Variants in RNF17 observed in about 807,000 individuals in gnomAD.
The protein encoded by RNF17 is ring finger protein 17, also known as spermatogenesis associated 23.
In RNF17, 31 loss-of-function variants were observed where a neutral mutation model predicts 200.5. The ratio of observed to expected loss-of-function variants is 0.15; its 90% CI spans 0.12 to 0.21. RNF17 has a LOEUF of 0.21. RNF17 is among the 10% of genes least tolerant of loss of function. The probability of loss-of-function intolerance (pLI) is 1.00; values close to 1 mark genes in which losing one functional copy is unlikely to be tolerated. For synonymous variants in RNF17, 606 were observed against 637.8 expected, an observed-to-expected ratio of 0.95 and a Z score of 0.75; for missense variants, 1,628 against 1,905.1, an observed-to-expected ratio of 0.85 and a Z score of 2.71.
At chr13:24,874,381 GTGT>G (rs1229453692) in intron 33 of RNF17, 132 bp downstream of exon 33, 16 of 670,616 alleles carry the variant, frequency 2.4e-5, no homozygotes, top group Non-Finnish European at 3.3e-5. Flanking sequence ...AATTTTTTTC[GTGT>G]TAAAGTATAC....
Position 24,800,576 on chromosome 13 carries a change from C to G in RNF17, c.1758+42C>G, listed in dbSNP as rs762281183. Reference sequence around the variant, plus strand: ...TTATTTTTTCCTTCAGAGGTTATTACAATTTTAGCTATGTATTGCCAGTTA... The same window carrying G: ...TTATTTTTTCCTTCAGAGGTTATTAGAATTTTAGCTATGTATTGCCAGTTA... On this transcript the variant is annotated intron_variant, in intron 13 of 35. Coordinates refer to ENST00000255324, the MANE Select transcript of RNF17 (RefSeq NM_031277.3). The G allele has an allele frequency of 3.2e-6, 5 of 1,562,888 alleles. No homozygotes were observed. The African/African-American group carries it at 6.8e-5, about 21-fold the overall frequency.
chr13:24,872,949 T>C (rs1236968413), intron 32 of RNF17, among the ~76,000 whole-genome samples: 1 of 152,144 alleles, frequency 6.6e-6, no homozygotes. Context: ...TGAGGAAATG[T>C]GGTAGAAGTT....
intron 22 of RNF17, among the ~76,000 whole-genome samples, chr13:24,846,548 A>G (rs1891275115): frequency 1.3e-5 from 2 of 152,320 alleles, no homozygotes; most frequent in Admixed American, 1.3e-4. Context: ...TATTGCTTTG[A>G]TATGCTACCA....
chr13:24,790,313 G>A (rs1428945377), intron 9 of RNF17, among the ~76,000 whole-genome samples: 1 of 152,116 alleles, frequency 6.6e-6, no homozygotes, highest in Non-Finnish European at 1.5e-5. Context: ...AGGGAATGGT[G>A]TATATAATTC....
intron 28 of RNF17, among the ~76,000 whole-genome samples, chr13:24,864,181 C>T (rs987629881): frequency 2.0e-5 from 3 of 152,082 alleles, no homozygotes; most frequent in Non-Finnish European, 1.5e-5. Context: ...ACAGACCACA[C>T]GGGTGCAGGG....
chr13:24,842,006 A>G, intron 18 of RNF17, 35 bp from the exon 19 acceptor site: 8 of 1,574,100 alleles, frequency 5.1e-6, no homozygotes, highest in Non-Finnish European at 6.9e-6. Context: ...TTTGTGACAT[A>G]TTTCTTTCCC....
chr13:24,776,087 G>A (rs1881529094), intron 3 of RNF17, among the ~76,000 whole-genome samples: 1 of 151,978 alleles, frequency 6.6e-6, no homozygotes. Context: ...AAAATCTCAT[G>A]TGGAACTTTC....
Position 24,854,046 on chromosome 13 carries a change from G to A in RNF17, c.3512G>A (p.Gly1171Glu), listed in dbSNP as rs751265958. ...ATTCTAGAACCAAGAACCACTAGAG[G>A]GTATAAGCCACCAGCTATTCCTAAC... ...EKILEPRTTR[G>E]YKPPAIPNMN... The change falls in exon 25 of 36, where the codon GGG becomes GAG. Residue 1171 changes from glycine (G) to glutamate (E), a missense_variant. By Grantham distance (98) the Gly-to-Glu change is moderately conservative. Around this residue, in one of 5 missense-constraint regions of RNF17, gnomAD observed 609 missense variants for 681.9 expected, o/e 0.89. Transcript: ENST00000255324. 2.4e-5 allele frequency: 38 copies of A among 1,613,770 alleles called. No individual in the cohort carries two copies. The Admixed American group carries it at 2.7e-4, about 11-fold the overall frequency.
chr13:24,811,345 T>G (rs6490980), intron 15 of RNF17, among the ~76,000 whole-genome samples: 21,914 of 151,588 alleles, frequency 0.14, 1,567 homozygotes, highest in African/African-American at 0.16. Flanking sequence ...TCATTTCTTT[T>G]TATTCTTTTT....
intron 15 of RNF17, among the ~76,000 whole-genome samples, chr13:24,820,887 T>A (rs559743423): frequency 6.6e-6 from 1 of 152,346 alleles, no homozygotes; most frequent in Admixed American, 6.5e-5. Flanking sequence ...GTATGATTCT[T>A]TGGGTTTATC....
the RNF17 span, among the ~76,000 whole-genome samples, chr13:24,758,843 A>G: frequency 6.6e-6 from 1 of 151,992 alleles, no homozygotes; most frequent in Non-Finnish European, 1.5e-5. Context: ...TCGGGAGGCC[A>G]AGGTGGGCGG....
At chr13:24,827,979 A>G (rs899004392) in intron 16 of RNF17, among the ~76,000 whole-genome samples, 2 of 152,102 alleles carry the variant, frequency 1.3e-5, no homozygotes, top group Admixed American at 6.6e-5. Flanking sequence ...TCACCTCCCA[A>G]GTACTGCTGC....
chr13:24,764,609 A>G (rs908915878), intron 1 of RNF17, among the ~76,000 whole-genome samples: 1 of 152,168 alleles, frequency 6.6e-6, no homozygotes, highest in Non-Finnish European at 1.5e-5. Context: ...GGGTGGCTTT[A>G]ATCTACTCCT....
chr13:24,881,382 C>T (rs1327173653), downstream of RNF17, among the ~76,000 whole-genome samples: 1 of 152,066 alleles, frequency 6.6e-6, no homozygotes, highest in Non-Finnish European at 1.5e-5. Context: ...CTCAAGTGAT[C>T]TGCCAACTTT....
At chr13:24,759,084 A>AC in the RNF17 span, among the ~76,000 whole-genome samples, 1 of 149,250 alleles carries the variant, frequency 6.7e-6, no homozygotes, top group Admixed American at 6.6e-5. Context: ...GTCTCCAAAA[A>AC]AAAAAAAAAA....
At chr13:24,835,966 A>G (rs1021298764) in intron 18 of RNF17, among the ~76,000 whole-genome samples, 6 of 152,222 alleles carry the variant, frequency 3.9e-5, no homozygotes, top group Admixed American at 3.9e-4. Context: ...AAAACAATCA[A>G]AAATTGAGGA....
intron 15 of RNF17, among the ~76,000 whole-genome samples, chr13:24,809,281 CTT>C (rs1374593361): frequency 6.6e-6 from 1 of 150,938 alleles, no homozygotes; most frequent in African/African-American, 2.4e-5. Context: ...GTCCTGGACT[CTT>C]TTTGGTTGGT....
intron 1 of RNF17, 96 bp downstream of exon 1, chr13:24,764,429 A>G: frequency 7.0e-7 from 1 of 1,435,862 alleles, no homozygotes. Context: ...GGTCAGCTGC[A>G]TCCAATCCTG....
chr13:24,777,724 C>G (rs1362550934), intron 3 of RNF17, among the ~76,000 whole-genome samples: 3 of 152,138 alleles, frequency 2.0e-5, no homozygotes, highest in Non-Finnish European at 4.4e-5. Context: ...CAAAAAATAC[C>G]ACGTAAGGAC....
Sources: allele counts gnomAD v4.1 joint callset (sites outside exome capture counted in the v4.1 genomes callset), GRCh38; gene constraint gnomAD v4.1.1; regional missense constraint gnomAD v4.1.1; transcripts MANE v1.5; gene names NCBI Gene and HGNC (gene_info 2026-07-23, HGNC 2026-07-21).